The following TRPS1 variants were observed in gnomAD, a reference collection of about 807,000 sequenced individuals.
The protein encoded by TRPS1 is zinc finger transcription factor Trps1.
TRPS1 carries 6 observed loss-of-function variants against 101.2 expected under a neutral mutation model. The ratio of observed to expected loss-of-function variants is 0.06; its 90% CI spans 0.03 to 0.12. TRPS1 has a LOEUF of 0.12. Ranked by LOEUF, TRPS1 falls within the 10% of genes least tolerant of loss-of-function variation. TRPS1 has a pLI of 1.00. For synonymous variants in TRPS1, 578 were observed against 589.8 expected, an observed-to-expected ratio of 0.98 and a Z score of 0.29; for missense variants, 1,363 against 1,567.0, an observed-to-expected ratio of 0.87 and a Z score of 2.20.
rs541767290 is a variant in TRPS1 at position 115,524,377 on chromosome 8, A to G, written c.2700+62624T>C. ...GCTCTGTTGCTCAGGCTGGAGTGCAATGGTGTGATCTCAGCTCACCGCAAC... is the reference window on the plus strand; with the variant it reads ...GCTCTGTTGCTCAGGCTGGAGTGCAGTGGTGTGATCTCAGCTCACCGCAAC... On this transcript the variant is annotated intron_variant, in intron 5 of 6. Coordinates refer to ENST00000395715, the MANE Select transcript of TRPS1 (RefSeq NM_014112.5). Among the ~76,000 whole-genome samples the G allele has an allele frequency of 2.4e-4, 30 of 126,978 alleles. No individual in the cohort carries two copies. The South Asian group carries it at 5.8e-3, about 24-fold the overall frequency. The allele number at this position is 126,978 out of a possible 152,430, so 83.3% of individuals were successfully genotyped here. A position where few individuals can be genotyped will look rare whatever the true frequency, so the allele number is the denominator to read the frequency against.
intron 1 of TRPS1, among the ~76,000 whole-genome samples, chr8:115,633,499 T>C (rs760947742): frequency 9.9e-5 from 15 of 152,168 alleles, no homozygotes; most frequent in Non-Finnish European, 2.1e-4. Flanking sequence ...GAACTAATAT[T>C]TCTTGAGTAC....
rs186419599 is a variant in TRPS1 at position 115,549,807 on chromosome 8, A to C, written c.2700+37194T>G. Reference sequence around the variant, plus strand: ...CTATTTGTTTTGGGGAGTGCTTTTCATACCACTACTATGCAGCAATTGTAG... The same window carrying C: ...CTATTTGTTTTGGGGAGTGCTTTTCCTACCACTACTATGCAGCAATTGTAG... On this transcript the variant is annotated intron_variant, in intron 5 of 6. Coordinates refer to ENST00000395715, the MANE Select transcript of TRPS1 (RefSeq NM_014112.5). Among the ~76,000 whole-genome samples, 46 of 152,262 alleles carry C rather than the reference A, an allele frequency of 3.0e-4. No individual in the cohort carries two copies. The South Asian group carries it at 8.3e-3, about 27-fold the overall frequency.
At chr8:115,561,545 C>G (rs189727284) in intron 5 of TRPS1, among the ~76,000 whole-genome samples, 110 of 151,558 alleles carry the variant, frequency 7.3e-4, no homozygotes, top group Admixed American at 2.3e-3. Flanking sequence ...GTAGAAACAA[C>G]AACAACACAA....
At chr8:115,541,740 T>C (rs545352853) in intron 5 of TRPS1, among the ~76,000 whole-genome samples, 1 of 152,336 alleles carries the variant, frequency 6.6e-6, no homozygotes, top group East Asian at 1.9e-4. Flanking sequence ...GTTTCTGATA[T>C]GGATGTATTT....
intron 5 of TRPS1, among the ~76,000 whole-genome samples, chr8:115,528,486 C>G (rs1295586498): frequency 6.6e-6 from 1 of 151,948 alleles, no homozygotes; most frequent in Non-Finnish European, 1.5e-5. Flanking sequence ...AATAAGGAAG[C>G]CACATTTTTA....
chr8:115,449,997 A>G (rs1813828541), intron 5 of TRPS1, among the ~76,000 whole-genome samples: 1 of 152,044 alleles, frequency 6.6e-6, no homozygotes, highest in Admixed American at 6.6e-5. Flanking sequence ...ACAGACATAC[A>G]CACACAGAGG....
chr8:115,662,948 A>T (rs1811840008), intron 1 of TRPS1, among the ~76,000 whole-genome samples: 2 of 152,094 alleles, frequency 1.3e-5, no homozygotes, highest in Non-Finnish European at 2.9e-5. Flanking sequence ...ATATAAACAT[A>T]TTCTTTGACC....
At chr8:115,432,284 T>A (rs1180635) in intron 5 of TRPS1, among the ~76,000 whole-genome samples, 151,866 of 151,866 alleles carry the variant, frequency 1, 75,933 homozygotes, top group Non-Finnish European at 1. Flanking sequence ...ACACGTGCAG[T>A]TACTACGTGC....
intron 1 of TRPS1, among the ~76,000 whole-genome samples, chr8:115,641,246 C>T (rs1276926632): frequency 6.6e-6 from 1 of 152,230 alleles, no homozygotes; most frequent in East Asian, 1.9e-4. Flanking sequence ...ACTAACTACT[C>T]ATCTGTGACA....
chr8:115,428,263 T>C (rs1479881640), intron 5 of TRPS1, among the ~76,000 whole-genome samples: 1 of 152,224 alleles, frequency 6.6e-6, no homozygotes, highest in East Asian at 1.9e-4. Context: ...TATAAAAATA[T>C]TTTAAATAAT....
chr8:115,615,418 T>C (rs1586460360), intron 3 of TRPS1, among the ~76,000 whole-genome samples: 1 of 152,322 alleles, frequency 6.6e-6, no homozygotes, highest in Non-Finnish European at 1.5e-5. Context: ...GGCCGCGTTG[T>C]TAATGCAGGC....
At position 115,411,355 on chromosome 8, in the gene TRPS1, C is replaced by T. The variant is rs1042984220; in HGVS notation, c.*2668G>A. 1 of 152,324 alleles carries T rather than the reference C, an allele frequency of 6.6e-6. No homozygotes were observed. Among genetic ancestry groups the T allele is most frequent in the Non-Finnish European group, 1.5e-5 (1 of 67,964 alleles). The allele number at this position is 152,324 out of a possible 1,614,324, so 9.4% of individuals were successfully genotyped here. A position where few individuals can be genotyped will look rare whatever the true frequency, so the allele number is the denominator to read the frequency against. On this transcript the variant is annotated 3_prime_UTR_variant, in exon 7 of 7. Transcript: ENST00000395715. Reference sequence around the variant, plus strand: ...AAAGAACCTATTTGTGTCCGACACACTAGAGAAATTGCTTAATGAGTAGTT... The same window carrying T: ...AAAGAACCTATTTGTGTCCGACACATTAGAGAAATTGCTTAATGAGTAGTT...
At chr8:115,511,036 G>T (rs1165707705) in intron 5 of TRPS1, 1 of 151,364 alleles carries the variant, frequency 6.6e-6, no homozygotes, top group Non-Finnish European at 1.5e-5. Context: ...AAACTATTTG[G>T]TTTTCCTTTT....
intron 5 of TRPS1, among the ~76,000 whole-genome samples, chr8:115,431,613 A>G (rs1813320890): frequency 6.6e-6 from 1 of 151,946 alleles, no homozygotes; most frequent in African/African-American, 2.4e-5. Context: ...AATTTGAGGA[A>G]GGAAATCAGG....
At chr8:115,526,067 C>CA (rs1309299369) in intron 5 of TRPS1, among the ~76,000 whole-genome samples, 1 of 152,110 alleles carries the variant, frequency 6.6e-6, no homozygotes, top group Non-Finnish European at 1.5e-5. Flanking sequence ...ATTAGGCTAA[C>CA]ATGAAAACAT....
At position 115,438,749 on chromosome 8, in the gene TRPS1, C is replaced by T. The variant is rs1422953899; in HGVS notation, c.2701-20297G>A. 1.3e-5 allele frequency among the ~76,000 whole-genome samples: 2 copies of T among 152,130 alleles called. 1 individual carries two copies. Among genetic ancestry groups the T allele is most frequent in the African/African-American group, 4.8e-5 (2 of 41,432 alleles). On this transcript the variant is annotated intron_variant, in intron 5 of 6. Coordinates refer to ENST00000395715, the MANE Select transcript of TRPS1 (RefSeq NM_014112.5). ...TCCCTCTCCCTGCCCCTCCTGCCTT[C>T]CTTCTCCCTCTCCCTCCCTTGTTCC...
At chr8:115,603,823 T>C (rs1481683729) in intron 4 of TRPS1, 50 bp downstream of exon 4, 5 of 1,604,210 alleles carry the variant, frequency 3.1e-6, no homozygotes, top group Non-Finnish European at 4.3e-6. Flanking sequence ...ATGGATTTTT[T>C]CTATTATTTT....
intron 5 of TRPS1, among the ~76,000 whole-genome samples, chr8:115,439,293 G>C (rs1813532827): frequency 6.6e-6 from 1 of 152,174 alleles, no homozygotes; most frequent in African/African-American, 2.4e-5. Flanking sequence ...TTGTGAAACT[G>C]ACATGGAAGT....
chr8:115,453,373 A>C (rs1813930570), intron 5 of TRPS1, among the ~76,000 whole-genome samples: 2 of 152,180 alleles, frequency 1.3e-5, no homozygotes, highest in Non-Finnish European at 2.9e-5. Context: ...GCGTTTACTG[A>C]CAAACATATG....
Sources: allele counts gnomAD v4.1 joint callset (sites outside exome capture counted in the v4.1 genomes callset), GRCh38; gene constraint gnomAD v4.1.1; transcripts MANE v1.5; gene names NCBI Gene and HGNC (gene_info 2026-07-23, HGNC 2026-07-21).